SLC41A1: variants seen among roughly 807,000 people sequenced by gnomAD.
SLC41A1 encodes solute carrier family 41 (magnesium transporter), member 1.
In SLC41A1, 20 loss-of-function variants were observed where a neutral mutation model predicts 47.3. The ratio of observed to expected loss-of-function variants is 0.42; its 90% CI spans 0.30 to 0.61. The LOEUF is 0.61. Among genes scored for constraint, SLC41A1 ranks in the 20% least tolerant of loss-of-function variants. The probability of loss-of-function intolerance (pLI) is 0.17; values close to 1 mark genes in which losing one functional copy is unlikely to be tolerated. For missense variants in SLC41A1, 504 were observed against 674.1 expected (o/e 0.75, Z 2.79); for synonymous variants, 282 against 272.7 (o/e 1.03, Z -0.34).
At chr1:205,800,672 C>T (rs570013416) in intron 3 of SLC41A1, among the ~76,000 whole-genome samples, 1 of 152,010 alleles carries the variant, frequency 6.6e-6, no homozygotes, top group Admixed American at 6.5e-5. Context: ...CAAACAGTCA[C>T]GAGGTGGTTG....
Position 205,798,940 on chromosome 1 carries a change from T to C in SLC41A1, c.697+17A>G. On this transcript the variant is annotated intron_variant, in intron 5 of 10. Coordinates refer to ENST00000367137, the MANE Select transcript of SLC41A1 (RefSeq NM_173854.6). ...TGGGGCGGCACTCCTTACTCCTCTA[T>C]GCCCTCCCTTTCTTACCCAGTACCA... 1 of 1,614,156 alleles carries C rather than the reference T, an allele frequency of 6.2e-7. No homozygotes were observed.
rs1222047315 is a variant in SLC41A1 at position 205,810,171 on chromosome 1, G to T, written c.271C>A (p.Leu91Ile). 1 of 1,614,250 alleles carries T rather than the reference G, an allele frequency of 6.2e-7. No individual in the cohort carries two copies. Among genetic ancestry groups the T allele is most frequent in the Middle Eastern group, 1.6e-4 (1 of 6,062 alleles). ...CCGATGGAAAAGGAGGTCTCCTTGA[G>T]CGGGGAAGGTGGCGCAGGGCCACGG... ...TDRGPAPPSP[L>I]KETSFSIGLQ... The change falls in exon 2 of 11, where the codon CTC (leucine) becomes ATC (isoleucine). Residue 91 changes from leucine (L) to isoleucine (I), a missense_variant. By Grantham distance (5) the Leu-to-Ile change is conservative. Coordinates refer to ENST00000367137, the MANE Select transcript of SLC41A1 (RefSeq NM_173854.6). This position sits in a 1 kb window ranked among gnomAD's most constrained non-coding sequence, Gnocchi z 5.5.
intron 2 of SLC41A1, among the ~76,000 whole-genome samples, chr1:205,802,546 G>A (rs1020946726): frequency 2.0e-5 from 3 of 151,632 alleles, no homozygotes; most frequent in African/African-American, 4.9e-5. Context: ...GAGAAACCCC[G>A]TCTCTACTGA....
At chr1:205,793,986 A>T (rs1467109831) in intron 10 of SLC41A1, among the ~76,000 whole-genome samples, 2 of 152,210 alleles carry the variant, frequency 1.3e-5, no homozygotes, top group African/African-American at 2.4e-5. Flanking sequence ...CAAAAATCAA[A>T]CCTATAAAAA....
chr1:205,809,786 G>A (rs533084305), intron 2 of SLC41A1, among the ~76,000 whole-genome samples: 3 of 152,172 alleles, frequency 2.0e-5, no homozygotes, highest in East Asian at 1.9e-4. Context: ...GGCAAGCAAC[G>A]ACCCTGTTCC....
chr1:205,810,018 G>A lies in SLC41A1; in HGVS notation c.372+52C>T. The stretch of plus-strand genomic sequence containing the variant: ...AGAGGAAGTTCCAAGTTTCCCAGCA[G>A]GCAAAGGTGGCCCTGGGCTCACAGT... On this transcript the variant is annotated intron_variant, in intron 2 of 10. Transcript: ENST00000367137. The surrounding 1 kb of genome is among the most constrained non-coding windows in gnomAD (Gnocchi z 5.5). 1.2e-6 allele frequency: 2 copies of A among 1,612,728 alleles called. No individual in the cohort carries two copies. Among genetic ancestry groups the A allele is most frequent in the Non-Finnish European group, 1.7e-6 (2 of 1,179,534 alleles).
At chr1:205,807,631 A>G (rs1656043732) in intron 2 of SLC41A1, among the ~76,000 whole-genome samples, 1 of 150,982 alleles carries the variant, frequency 6.6e-6, no homozygotes, top group Non-Finnish European at 1.5e-5. Context: ...AGACAAAGAA[A>G]ATAGGCTCCT....
chr1:205,806,615 C>T (rs956557473), intron 2 of SLC41A1, among the ~76,000 whole-genome samples: 1 of 152,204 alleles, frequency 6.6e-6, no homozygotes, highest in Non-Finnish European at 1.5e-5. Flanking sequence ...ATATCCCAAC[C>T]CCCTTCAGAA....
rs376162602 is a variant in SLC41A1 at position 205,798,958 on chromosome 1, C to T, written c.696G>A (p.Leu232=). ...VATAFIASLV[L]GMIMIGVIIG... The stretch of plus-strand genomic sequence containing the variant: ...TCCTCTATGCCCTCCCTTTCTTACC[C>T]AGTACCAGGGAGGCAATGAAGGCTG... Residue 232 remains leucine (L), a splice_region_variant and synonymous_variant, in exon 5 of 11, where the codon CTG becomes CTA. Transcript: ENST00000367137. The T allele has an allele frequency of 1.9e-6, 3 of 1,614,128 alleles. No homozygotes were observed. The highest frequency in any genetic ancestry group is 2.5e-6 in the Non-Finnish European group (3 of 1,180,032).
rs764708812 is a variant in SLC41A1, at chr1:205,789,173, T to C, written c.*2360A>G. ...TTTGTCAATTCAGTTATAGTAACTA[T>C]AAATAATTCTCTTAAGACACAGTTC... is the stretch of plus-strand genomic sequence containing the variant. On this transcript the variant is annotated 3_prime_UTR_variant, in exon 11 of 11. Transcript: ENST00000367137. The C allele has an allele frequency of 2.0e-5, 3 of 152,268 alleles. No homozygotes were observed. The highest frequency in any genetic ancestry group is 4.4e-5 in the Non-Finnish European group (3 of 68,044). 9.4% of individuals were successfully genotyped at this position (152,268 alleles called of 1,614,324 possible). A position where few individuals can be genotyped will look rare whatever the true frequency, so the allele number is the denominator to read the frequency against.
intron 2 of SLC41A1, among the ~76,000 whole-genome samples, chr1:205,808,720 T>C (rs781260120): frequency 6.6e-6 from 1 of 152,190 alleles, no homozygotes; most frequent in Non-Finnish European, 1.5e-5. Context: ...CCAACCTCCA[T>C]GTAGGAACAA....
intron 7 of SLC41A1, 61 bp downstream of exon 7, chr1:205,797,843 A>C: frequency 6.2e-7 from 1 of 1,610,462 alleles, no homozygotes; most frequent in Non-Finnish European, 8.5e-7. Flanking sequence ...CCAGGGTTTA[A>C]AAAGAAGTCT....
intron 2 of SLC41A1, among the ~76,000 whole-genome samples, chr1:205,808,964 C>T (rs1656079014): frequency 6.6e-6 from 1 of 152,182 alleles, no homozygotes. Context: ...GTTGGCTTGG[C>T]ACAGGGAAGG....
rs1031814971 is a variant in SLC41A1 at position 205,810,273 on chromosome 1, C to T, written c.169G>A (p.Ala57Thr). Residue 57 changes from alanine to threonine, a missense_variant, in exon 2 of 11, where the codon GCC (alanine) becomes ACC (threonine). By Grantham distance (58) the Ala-to-Thr change is moderately conservative. Coordinates refer to ENST00000367137, the MANE Select transcript of SLC41A1 (RefSeq NM_173854.6). This position sits in a 1 kb window ranked among gnomAD's most constrained non-coding sequence, Gnocchi z 5.5. ...VEVVIESRANAKGVREEDALL... is the reference protein window; with the variant it reads ...VEVVIESRANTKGVREEDALL... The stretch of plus-strand genomic sequence containing the variant: ...GCGTCCTCCTCCCGAACCCCCTTGG[C>T]GTTGGCCCGAGACTCAATCACCACC... 7.4e-6 allele frequency: 12 copies of T among 1,614,056 alleles called. No homozygotes were observed. Among genetic ancestry groups the T allele is most frequent in the East Asian group, 6.7e-5 (3 of 44,874 alleles).
Position 205,798,981 on chromosome 1 carries a change from C to T in SLC41A1, c.673G>A (p.Ala225Thr). The change falls in exon 5 of 11, where the codon GCC becomes ACC. Residue 225 changes from alanine to threonine, a missense_variant. Around this residue, in one of 2 missense-constraint regions of SLC41A1, gnomAD observed 421 missense variants for 601.6 expected, o/e 0.70. Transcript: ENST00000367137. The stretch of plus-strand genomic sequence containing the variant: ...CCCAGTACCAGGGAGGCAATGAAGG[C>T]TGTGGCCACGCTGCTAGCACAGAGC... ...FLLCASSVAT[A>T]FIASLVLGMI... 1 of 1,614,114 alleles carries T rather than the reference C, an allele frequency of 6.2e-7. No homozygotes were observed.
chr1:205,810,156 A>G lies in SLC41A1; in HGVS notation c.286T>C (p.Phe96Leu). 6.2e-7 allele frequency: 1 copy of G among 1,614,244 alleles called. No homozygotes were observed. The highest frequency in any genetic ancestry group is 8.5e-7 in the Non-Finnish European group (1 of 1,180,036). Reference protein sequence around the residue: ...APPSPLKETSFSIGLQVLFPF... With the variant: ...APPSPLKETSLSIGLQVLFPF... ...AACAGTACTTGCAGCCCGATGGAAA[A>G]GGAGGTCTCCTTGAGCGGGGAAGGT... Residue 96 changes from phenylalanine to leucine, a missense_variant, in exon 2 of 11, where the codon TTT becomes CTT. Phe to Leu is a conservative substitution (Grantham distance 22). This residue lies in a region of SLC41A1 where 421 missense variants were observed against 601.6 expected (regional missense o/e 0.70). Coordinates refer to ENST00000367137, the MANE Select transcript of SLC41A1 (RefSeq NM_173854.6). This position sits in a 1 kb window ranked among gnomAD's most constrained non-coding sequence, Gnocchi z 5.5.
At position 205,795,383 on chromosome 1, in the gene SLC41A1, G is replaced by A. The variant is rs781347037; in HGVS notation, c.1168C>T (p.Arg390Cys). The change falls in exon 9 of 11, where the codon CGC becomes TGC. Residue 390 changes from arginine (R) to cysteine (C), a missense_variant. Physicochemically the swap from Arg to Cys is radical, Grantham distance 180. Coordinates refer to ENST00000367137, the MANE Select transcript of SLC41A1 (RefSeq NM_173854.6). ...GTGGTACAAGGACTGGGACAGCGGC[G>A]AGGAGCTTGCTCAGAGTTCTCTCCG... ...MPGENSEQAP[R>C]RCPSPCTTFF... The A allele has an allele frequency of 4.3e-6, 7 of 1,614,200 alleles. No individual in the cohort carries two copies. The Admixed American group carries it at 6.7e-5, about 15-fold the overall frequency.
chr1:205,795,020 T>C lies in SLC41A1; in HGVS notation c.1208-2A>G. ...CCCGGGCTGAGCGAGAATTCACATC[T>C]GGAATTGGGGAAAAGAGGGTGTAAA... On this transcript the variant is annotated splice_acceptor_variant, in intron 9 of 10. Transcript: ENST00000367137. LOFTEE classifies it high-confidence loss of function. The C allele has an allele frequency of 6.2e-7, 1 of 1,613,614 alleles. No homozygotes were observed. Among genetic ancestry groups the C allele is most frequent in the Non-Finnish European group, 8.5e-7 (1 of 1,179,898 alleles).
chr1:205,794,308 T>G (rs1655696350), intron 10 of SLC41A1, among the ~76,000 whole-genome samples: 1 of 152,202 alleles, frequency 6.6e-6, no homozygotes. Flanking sequence ...TTCTGAACCT[T>G]TTTTTTGAGA....
Sources: allele counts gnomAD v4.1 joint callset (sites outside exome capture counted in the v4.1 genomes callset), GRCh38; gene constraint gnomAD v4.1.1; regional missense constraint gnomAD v4.1.1; non-coding constraint Gnocchi (gnomAD v3.1); transcripts MANE v1.5; gene names NCBI Gene and HGNC (gene_info 2026-07-23, HGNC 2026-07-21).